PRIM2: variants seen among roughly 807,000 people sequenced by gnomAD.
PRIM2 encodes the protein DNA primase large subunit.
PRIM2 carries 39 observed loss-of-function variants against 67.3 expected under a neutral mutation model. The observed-to-expected ratio is 0.58, with a 90% CI of 0.45 to 0.76. The LOEUF (loss-of-function observed/expected upper bound fraction) is 0.76. Ranked by LOEUF, PRIM2 falls within the 30% of genes least tolerant of loss-of-function variation. The probability of loss-of-function intolerance (pLI) is 0.00; values close to 1 mark genes in which losing one functional copy is unlikely to be tolerated. For missense variants in PRIM2, 398 were observed against 598.7 expected, an observed-to-expected ratio of 0.66 and a Z score of 3.50; for synonymous variants, 143 against 198.7, an observed-to-expected ratio of 0.72 and a Z score of 2.36.
chr6:57,524,594 G>T (rs1320305368), intron 8 of PRIM2, among the ~76,000 whole-genome samples: 12 of 152,000 alleles, frequency 7.9e-5, no homozygotes, highest in Non-Finnish European at 7.4e-5. Context: ...CCAGCTACTC[G>T]GGAGGCTGAG....
chr6:57,328,248 A>G (rs896433612), intron 5 of PRIM2, among the ~76,000 whole-genome samples: 3 of 152,188 alleles, frequency 2.0e-5, no homozygotes, highest in East Asian at 3.8e-4. Context: ...TGTATAATTC[A>G]TTGGTTTTTA....
intron 5 of PRIM2, among the ~76,000 whole-genome samples, chr6:57,338,087 CA>C (rs1379071528): frequency 1.3e-5 from 2 of 151,560 alleles, no homozygotes; most frequent in Non-Finnish European, 2.9e-5. Context: ...CACCTCTATG[CA>C]AATAAACTAG....
intron 8 of PRIM2, among the ~76,000 whole-genome samples, chr6:57,515,694 C>T (rs1363736020): frequency 6.2e-4 from 94 of 152,252 alleles, no homozygotes; most frequent in Non-Finnish European, 9.6e-4. Flanking sequence ...TGATATTTAG[C>T]GATGACACTA....
chr6:57,396,126 T>G (rs1277223576), intron 7 of PRIM2, among the ~76,000 whole-genome samples: 1 of 152,188 alleles, frequency 6.6e-6, no homozygotes, highest in East Asian at 1.9e-4. Flanking sequence ...GAATGTGTAT[T>G]CTGAGGTTGT....
intron 7 of PRIM2, among the ~76,000 whole-genome samples, chr6:57,502,055 CAT>C (rs1774142814): frequency 6.6e-6 from 1 of 152,072 alleles, no homozygotes; most frequent in South Asian, 2.1e-4. Context: ...ACCAGAGAGA[CAT>C]AGATTAGAAG....
At chr6:57,416,231 A>G (rs1771257774) in intron 7 of PRIM2, among the ~76,000 whole-genome samples, 1 of 152,212 alleles carries the variant, frequency 6.6e-6, no homozygotes, top group South Asian at 2.1e-4. Context: ...GAAGACACTA[A>G]TCTCCTTGTA....
chr6:57,429,179 T>C (rs1771737444), intron 7 of PRIM2, among the ~76,000 whole-genome samples: 1 of 152,212 alleles, frequency 6.6e-6, no homozygotes, highest in Non-Finnish European at 1.5e-5. Flanking sequence ...ACTACTCCAT[T>C]GAGGTTTTGC....
intron 7 of PRIM2, among the ~76,000 whole-genome samples, chr6:57,455,742 T>C (rs1057294849): frequency 1.3e-5 from 2 of 152,362 alleles, no homozygotes; most frequent in African/African-American, 4.8e-5. Context: ...CTTTATCCAA[T>C]TTGCCAGTCT....
intron 10 of PRIM2, among the ~76,000 whole-genome samples, chr6:57,540,431 G>A (rs1664968920): frequency 6.6e-6 from 1 of 152,180 alleles, no homozygotes; most frequent in Non-Finnish European, 1.5e-5. Flanking sequence ...GAATGATAGT[G>A]TACAAGTTGA....
chr6:57,522,066 G>T (rs2127464608), intron 8 of PRIM2, among the ~76,000 whole-genome samples: 1 of 151,698 alleles, frequency 6.6e-6, no homozygotes, highest in African/African-American at 2.4e-5. Flanking sequence ...TTTGTCCCCA[G>T]AGAAACAATT....
At chr6:57,503,036 C>T (rs1774172005) in intron 7 of PRIM2, among the ~76,000 whole-genome samples, 1 of 152,176 alleles carries the variant, frequency 6.6e-6, no homozygotes. Flanking sequence ...GTGTCTAGGG[C>T]AGACTTTTCT....
chr6:57,594,758 G>A (rs1162085437), intron 10 of PRIM2, among the ~76,000 whole-genome samples: 2 of 151,994 alleles, frequency 1.3e-5, no homozygotes, highest in Non-Finnish European at 2.9e-5. Flanking sequence ...TTTATCTTAG[G>A]ACACAGAGAG....
Position 57,394,686 on chromosome 6 carries a change from T to A in PRIM2, c.693+12518T>A, listed in dbSNP as rs547836494. Reference sequence around the variant, plus strand: ...CTTGTCTGATTGCTCCGGCTAGGACTTCCAGTACTATATTAAAGAGGAGTG... The same window carrying A: ...CTTGTCTGATTGCTCCGGCTAGGACATCCAGTACTATATTAAAGAGGAGTG... On this transcript the variant is annotated intron_variant, in intron 7 of 13. Coordinates refer to ENST00000615550, the MANE Select transcript of PRIM2 (RefSeq NM_000947.5). 1.2e-4 allele frequency among the ~76,000 whole-genome samples: 18 copies of A among 152,302 alleles called. No homozygotes were observed. In the South Asian group the frequency reaches 3.7e-3, roughly 32 times the overall value.
upstream of PRIM2, among the ~76,000 whole-genome samples, chr6:57,315,419 A>G (rs540085042): frequency 5.3e-5 from 8 of 152,162 alleles, no homozygotes; most frequent in Non-Finnish European, 1.0e-4. Context: ...GTAGAGGGCT[A>G]TAATTATTTA....
At chr6:57,539,284 T>C (rs1775084294) in intron 10 of PRIM2, among the ~76,000 whole-genome samples, 1 of 152,180 alleles carries the variant, frequency 6.6e-6, no homozygotes, top group Non-Finnish European at 1.5e-5. Context: ...AGCCTTTTAC[T>C]CTAGTCTACA....
upstream of PRIM2, among the ~76,000 whole-genome samples, chr6:57,310,477 ATCTCTCTTTCTTTTCCCCGCATT>A (rs1554320935): frequency 6.6e-6 from 1 of 152,220 alleles, no homozygotes; most frequent in Non-Finnish European, 1.5e-5. Context: ...TAACAATCTG[ATCTCTCTTTCTTTTCCCCGCATT>A]TCTCCCTTTT....
chr6:57,418,161 A>G lies in PRIM2; in HGVS notation c.693+35993A>G, dbSNP rs554230035. Among the ~76,000 whole-genome samples, 7 of 152,254 alleles carry G rather than the reference A, an allele frequency of 4.6e-5. 1 individual carries two copies. The South Asian group carries it at 1.0e-3, about 23-fold the overall frequency. On this transcript the variant is annotated intron_variant, in intron 7 of 13. Coordinates refer to ENST00000615550, the MANE Select transcript of PRIM2 (RefSeq NM_000947.5). ...TAAAGAAGAAGGCTTAAAAATGGCC[A>G]TGTAAAAATGCTATGATAGTAAGAG...
At chr6:57,536,916 G>A (rs1775013546) in intron 9 of PRIM2, among the ~76,000 whole-genome samples, 1 of 151,130 alleles carries the variant, frequency 6.6e-6, no homozygotes, top group Non-Finnish European at 1.5e-5. Flanking sequence ...CATGTTGACT[G>A]TGGTGGTGGA....
At chr6:57,251,207 A>C in the PRIM2 span, among the ~76,000 whole-genome samples, 1 of 152,288 alleles carries the variant, frequency 6.6e-6, no homozygotes, top group East Asian at 1.9e-4. Flanking sequence ...ATCCATTTAC[A>C]GATCATATAG....
Sources: allele counts gnomAD v4.1 joint callset (sites outside exome capture counted in the v4.1 genomes callset), GRCh38; gene constraint gnomAD v4.1.1; transcripts MANE v1.5; gene names NCBI Gene and HGNC (gene_info 2026-07-23, HGNC 2026-07-21).